The following CEP128 variants were observed in gnomAD, a reference collection of about 807,000 sequenced individuals.
CEP128 encodes centrosomal protein 128.
In CEP128, 132 loss-of-function variants were observed where a neutral mutation model predicts 156.7. That is an observed-to-expected ratio of 0.84 (90% confidence interval 0.73 to 0.97). The LOEUF (loss-of-function observed/expected upper bound fraction) is 0.97. Ranked by LOEUF, CEP128 falls within the 50% of genes least tolerant of loss-of-function variation. The pLI, the probability that CEP128 is intolerant of heterozygous loss-of-function variation, is 0.00. For missense variants in CEP128, 1,252 were observed against 1,281.9 expected, an observed-to-expected ratio of 0.98 and a Z score of 0.36; for synonymous variants, 469 against 448.9, an observed-to-expected ratio of 1.04 and a Z score of -0.57.
chr14:80,752,593 T>G (rs1299363905), intron 18 of CEP128, among the ~76,000 whole-genome samples: 5 of 152,194 alleles, frequency 3.3e-5, no homozygotes, highest in African/African-American at 1.2e-4. Context: ...CAATAAGAAT[T>G]AAGTACACTG....
At chr14:80,494,063 G>A (rs931485749), downstream of CEP128, among the ~76,000 whole-genome samples, 1 of 152,156 alleles carries the variant, frequency 6.6e-6, no homozygotes, top group Non-Finnish European at 1.5e-5. Context: ...GGAATCTTTC[G>A]TGGTTTAAAT....
chr14:80,645,812 G>C (rs1161578950), intron 19 of CEP128, among the ~76,000 whole-genome samples: 1 of 152,088 alleles, frequency 6.6e-6, no homozygotes, highest in Non-Finnish European at 1.5e-5. Flanking sequence ...AAACTTGGAA[G>C]CAACCAAGGT....
At chr14:80,860,606 G>A (rs1887466999) in intron 9 of CEP128, among the ~76,000 whole-genome samples, 1 of 151,446 alleles carries the variant, frequency 6.6e-6, no homozygotes, top group Non-Finnish European at 1.5e-5. Flanking sequence ...GAGAACAAAT[G>A]TATAAAAATC....
intron 19 of CEP128, among the ~76,000 whole-genome samples, chr14:80,616,700 C>A (rs1196084111): frequency 2.6e-5 from 4 of 152,122 alleles, no homozygotes; most frequent in African/African-American, 4.8e-5. Flanking sequence ...CCTTGCCATA[C>A]CTCAGAAAGT....
chr14:80,540,820 T>C (rs187611382), intron 21 of CEP128, among the ~76,000 whole-genome samples: 29 of 152,080 alleles, frequency 1.9e-4, no homozygotes, highest in Non-Finnish European at 4.0e-4. Context: ...AGGGTGTCCT[T>C]TGCATAGAGG....
chr14:80,589,697 T>G (rs1029622041), intron 19 of CEP128, among the ~76,000 whole-genome samples: 1 of 152,156 alleles, frequency 6.6e-6, no homozygotes, highest in African/African-American at 2.4e-5. Context: ...TAAAGTTTAG[T>G]CATCCCTATA....
intron 5 of CEP128, 104 bp downstream of exon 5, chr14:80,905,851 C>A: frequency 9.4e-7 from 1 of 1,061,276 alleles, no homozygotes; most frequent in East Asian, 2.7e-5. Context: ...ATCATCCAAT[C>A]TGCATGAAGT....
chr14:80,697,820 C>T (rs1463981615), intron 19 of CEP128, among the ~76,000 whole-genome samples: 1 of 151,896 alleles, frequency 6.6e-6, no homozygotes, highest in African/African-American at 2.4e-5. Flanking sequence ...AAGCCAAATG[C>T]TGAAAACCAG....
intron 21 of CEP128, among the ~76,000 whole-genome samples, chr14:80,534,180 A>G (rs933903417): frequency 3.9e-5 from 6 of 151,994 alleles, no homozygotes; most frequent in Admixed American, 3.3e-4. Flanking sequence ...TGTACTTAAA[A>G]CTGCCACTTT....
At chr14:80,564,161 T>A (rs1270013575) in intron 20 of CEP128, among the ~76,000 whole-genome samples, 1 of 152,330 alleles carries the variant, frequency 6.6e-6, no homozygotes, top group South Asian at 2.1e-4. Context: ...GTCCCTTTTC[T>A]ATTATTCTTT....
intron 4 of CEP128, among the ~76,000 whole-genome samples, chr14:80,906,607 T>C (rs2139451503): frequency 6.6e-6 from 1 of 152,282 alleles, no homozygotes; most frequent in Middle Eastern, 3.4e-3. Flanking sequence ...CAGAAAATGA[T>C]TGGGTCAGAT....
intron 19 of CEP128, among the ~76,000 whole-genome samples, chr14:80,709,755 C>A (rs1460161228): frequency 6.6e-6 from 1 of 152,048 alleles, no homozygotes; most frequent in African/African-American, 2.4e-5. Flanking sequence ...TGGGTTTTGA[C>A]ATTTCTTGTT....
intron 23 of CEP128, among the ~76,000 whole-genome samples, chr14:80,519,656 A>T (rs1888645854): frequency 6.6e-6 from 1 of 152,174 alleles, no homozygotes; most frequent in African/African-American, 2.4e-5. Context: ...TGAAAGTTTA[A>T]TCTGGGCAGA....
intron 23 of CEP128, among the ~76,000 whole-genome samples, chr14:80,509,655 C>T (rs1033765277): frequency 6.6e-6 from 1 of 152,106 alleles, no homozygotes; most frequent in African/African-American, 2.4e-5. Context: ...GTGATCCCAG[C>T]TCTCCAGCTT....
At chr14:80,771,641 G>A (rs1900515656) in intron 16 of CEP128, among the ~76,000 whole-genome samples, 1 of 152,116 alleles carries the variant, frequency 6.6e-6, no homozygotes. Context: ...AATTGCTATA[G>A]CCTTAGATGT....
At chr14:80,817,582 T>C (rs1367797729) in intron 13 of CEP128, among the ~76,000 whole-genome samples, 3 of 152,130 alleles carry the variant, frequency 2.0e-5, no homozygotes, top group Non-Finnish European at 4.4e-5. Flanking sequence ...ATAATAACTA[T>C]AATAAAAAGC....
chr14:80,506,454 T>C (rs1358237719), intron 23 of CEP128, among the ~76,000 whole-genome samples: 3 of 145,576 alleles, frequency 2.1e-5, no homozygotes, highest in Non-Finnish European at 4.5e-5. Context: ...GTTTGGAGAA[T>C]GAATTGAAGC....
chr14:80,833,097 G>C (rs918925994), intron 12 of CEP128, among the ~76,000 whole-genome samples: 4 of 151,926 alleles, frequency 2.6e-5, no homozygotes, highest in African/African-American at 9.7e-5. Context: ...CTTCTGATAG[G>C]TAACCAACCT....
At chr14:80,749,896 C>T (rs1015538619) in intron 18 of CEP128, among the ~76,000 whole-genome samples, 3 of 151,984 alleles carry the variant, frequency 2.0e-5, no homozygotes, top group Non-Finnish European at 1.5e-5. Flanking sequence ...ACAAATTAAA[C>T]AACTTTGGCA....
Sources: gnomAD v4.1 joint callset for allele counts (sites outside exome capture counted in the v4.1 genomes callset) on GRCh38, gnomAD v4.1.1 for gene constraint, MANE v1.5 for transcripts, NCBI Gene and HGNC (gene_info 2026-07-23, HGNC 2026-07-21) for gene names.